Variants in FANK1 observed in about 807,000 individuals in gnomAD.
FANK1 encodes the protein fibronectin type III and ankyrin repeat domains 1, also known as fibronectin type 3 and ankyrin repeat domains protein 1.
FANK1 carries 44 observed loss-of-function variants against 45.3 expected under a neutral mutation model. That is an observed-to-expected ratio of 0.97 (90% CI 0.76 to 1.25). FANK1 has a LOEUF of 1.25. FANK1 is among the 50% of genes most tolerant of loss of function. The pLI, the probability that FANK1 is intolerant of heterozygous loss-of-function variation, is 0.00. For missense variants in FANK1, 391 were observed against 424.4 expected (o/e 0.92, Z 0.69); for synonymous variants, 149 against 152.5 (o/e 0.98, Z 0.17).
intron 1 of FANK1, among the ~76,000 whole-genome samples, chr10:125,953,543 G>T (rs772481198): frequency 3.9e-5 from 6 of 152,118 alleles, no homozygotes; most frequent in Non-Finnish European, 8.8e-5. Context: ...CTATGCGGGG[G>T]AAGAACCCCA....
At chr10:125,918,695 AT>A (rs1946693498) in intron 1 of FANK1, among the ~76,000 whole-genome samples, 1 of 148,668 alleles carries the variant, frequency 6.7e-6, no homozygotes, top group African/African-American at 2.5e-5. Flanking sequence ...CTTTACATAT[AT>A]TTCACTAATC....
intron 1 of FANK1, among the ~76,000 whole-genome samples, chr10:125,961,893 A>G (rs1013208080): frequency 2.6e-5 from 4 of 152,222 alleles, no homozygotes; most frequent in African/African-American, 9.6e-5. Context: ...GCAGTGAGCT[A>G]CTATCAAACT....
intron 1 of FANK1, among the ~76,000 whole-genome samples, chr10:125,918,061 CAG>C (rs1432362521): frequency 6.0e-4 from 87 of 144,840 alleles, no homozygotes; most frequent in African/African-American, 2.2e-3. Flanking sequence ...ACCTGGGCGA[CAG>C]AGTGAGACCC....
intron 1 of FANK1, among the ~76,000 whole-genome samples, chr10:125,946,530 A>G (rs1168828872): frequency 6.6e-6 from 1 of 152,218 alleles, no homozygotes; most frequent in Admixed American, 6.5e-5. Flanking sequence ...GAAATGAATG[A>G]AATGAAGTGA....
At chr10:125,969,462 T>G (rs530858272) in intron 1 of FANK1, among the ~76,000 whole-genome samples, 1 of 152,330 alleles carries the variant, frequency 6.6e-6, no homozygotes, top group East Asian at 1.9e-4. Context: ...TATGAATGTG[T>G]ATCTGTGGGT....
chr10:125,912,183 A>C (rs965598389), intron 1 of FANK1, among the ~76,000 whole-genome samples: 1 of 152,176 alleles, frequency 6.6e-6, no homozygotes, highest in African/African-American at 2.4e-5. Flanking sequence ...CTTCCCACTA[A>C]GGTCAACAAT....
At chr10:125,971,325 A>G (rs1056939751) in intron 1 of FANK1, among the ~76,000 whole-genome samples, 4 of 151,892 alleles carry the variant, frequency 2.6e-5, no homozygotes, top group Admixed American at 1.3e-4. Context: ...CTTGGTCTCC[A>G]CTACTGGTTG....
chr10:125,997,879 A>G (rs1279530417), intron 6 of FANK1, among the ~76,000 whole-genome samples: 1 of 152,224 alleles, frequency 6.6e-6, no homozygotes, highest in East Asian at 1.9e-4. Context: ...ATTCATTGCT[A>G]AGAAATCTTC....
intron 1 of FANK1, among the ~76,000 whole-genome samples, chr10:125,910,100 GT>G (rs1945870384): frequency 6.6e-6 from 1 of 151,690 alleles, no homozygotes; most frequent in Non-Finnish European, 1.5e-5. Context: ...TTACTTTAAA[GT>G]TCATGTCTGA....
chr10:125,989,152 G>A (rs1951763278), intron 3 of FANK1: 2 of 768,384 alleles, frequency 2.6e-6, no homozygotes, highest in South Asian at 3.4e-5. Context: ...CAGTGCTGCT[G>A]CATCCACGGA....
intron 1 of FANK1, among the ~76,000 whole-genome samples, chr10:125,916,397 A>G (rs1212291664): frequency 6.6e-6 from 1 of 152,038 alleles, no homozygotes; most frequent in Non-Finnish European, 1.5e-5. Context: ...ACATAGGTTT[A>G]TGAAGAAGGC....
At chr10:125,957,544 A>G (rs1949658235) in intron 1 of FANK1, among the ~76,000 whole-genome samples, 1 of 151,666 alleles carries the variant, frequency 6.6e-6, no homozygotes, top group African/African-American at 2.4e-5. Context: ...TATTTTTTTG[A>G]GACGGAGTCT....
intron 1 of FANK1, among the ~76,000 whole-genome samples, chr10:125,956,671 G>A (rs1345267333): frequency 6.6e-6 from 1 of 152,170 alleles, no homozygotes; most frequent in East Asian, 1.9e-4. Flanking sequence ...GGTCATAAGA[G>A]TTAGATCATT....
intron 1 of FANK1, among the ~76,000 whole-genome samples, chr10:125,971,835 G>A (rs978017610): frequency 2.6e-5 from 4 of 152,100 alleles, no homozygotes; most frequent in Non-Finnish European, 5.9e-5. Flanking sequence ...TGTTAGCCAG[G>A]ATGGTCTCGA....
intron 1 of FANK1, among the ~76,000 whole-genome samples, chr10:125,965,563 T>C (rs1950162398): frequency 6.6e-6 from 1 of 152,194 alleles, no homozygotes; most frequent in South Asian, 2.1e-4. Flanking sequence ...GAGTTAGAGA[T>C]CTGGATTGAA....
At chr10:125,949,913 G>C (rs1198982462) in intron 1 of FANK1, among the ~76,000 whole-genome samples, 11 of 141,898 alleles carry the variant, frequency 7.8e-5, no homozygotes, top group African/African-American at 1.3e-4. Context: ...GGTACCAAAA[G>C]AGAGATATAG....
chr10:125,965,185 C>G lies in FANK1; in HGVS notation c.14-14976C>G, dbSNP rs565712978. 1.2e-4 allele frequency among the ~76,000 whole-genome samples: 18 copies of G among 152,222 alleles called. No homozygotes were observed. In the South Asian group the frequency reaches 3.1e-3, roughly 26 times the overall value. ...ATAAATAAATAAACAAATAAACAAA[C>G]TTGATGAATGCAAAATGTCATCATT... is the stretch of plus-strand genomic sequence containing the variant. On this transcript the variant is annotated intron_variant, in intron 1 of 10. Coordinates refer to ENST00000368693, the MANE Select transcript of FANK1 (RefSeq NM_145235.5).
At chr10:125,948,013 T>C (rs1197830312) in intron 1 of FANK1, among the ~76,000 whole-genome samples, 5 of 150,156 alleles carry the variant, frequency 3.3e-5, no homozygotes, top group Admixed American at 2.0e-4. Context: ...CCTGAATGAC[T>C]ACTGGGTACA....
chr10:125,930,961 A>G (rs1947714071), intron 1 of FANK1, among the ~76,000 whole-genome samples: 1 of 152,158 alleles, frequency 6.6e-6, no homozygotes, highest in African/African-American at 2.4e-5. Flanking sequence ...GTGAGAACAT[A>G]CAATCTTTGG....
Sources: gnomAD v4.1 joint callset for allele counts (sites outside exome capture counted in the v4.1 genomes callset) on GRCh38, gnomAD v4.1.1 for gene constraint, MANE v1.5 for transcripts, NCBI Gene and HGNC (gene_info 2026-07-23, HGNC 2026-07-21) for gene names.